Variants in GALNT7 observed in about 807,000 individuals in gnomAD.
The protein encoded by GALNT7 is N-acetylgalactosaminyltransferase 7.
Under a neutral mutation model 82.1 loss-of-function variants are expected in GALNT7, and 60 were observed. That is an observed-to-expected ratio of 0.73 (90% CI 0.59 to 0.91). The LOEUF (loss-of-function observed/expected upper bound fraction) is 0.91, where lower values mean the gene tolerates loss of function less well. Ranked by LOEUF, GALNT7 falls within the 40% of genes least tolerant of loss-of-function variation. The probability of loss-of-function intolerance (pLI) is 0.00; values close to 1 mark genes in which losing one functional copy is unlikely to be tolerated. For missense variants in GALNT7, 660 were observed against 804.2 expected (o/e 0.82, Z 2.17); for synonymous variants, 243 against 275.1 (o/e 0.88, Z 1.15).
At chr4:173,270,885 A>G (rs1735696825) in intron 2 of GALNT7, among the ~76,000 whole-genome samples, 1 of 152,222 alleles carries the variant, frequency 6.6e-6, no homozygotes. Flanking sequence ...TGGCAGCTGC[A>G]TTCTGTGCAG....
chr4:173,172,188 T>TA (rs1176976894), intron 1 of GALNT7, among the ~76,000 whole-genome samples: 1 of 152,244 alleles, frequency 6.6e-6, no homozygotes, highest in East Asian at 1.9e-4. Context: ...CTTGGGGTTT[T>TA]ATACATTGGC....
At chr4:173,229,788 C>T (rs146174697) in intron 1 of GALNT7, among the ~76,000 whole-genome samples, 12 of 152,212 alleles carry the variant, frequency 7.9e-5, no homozygotes, top group Non-Finnish European at 1.3e-4. Flanking sequence ...TCTTTGTAGT[C>T]GTCTTCATGA....
At position 173,284,731 on chromosome 4, in the gene GALNT7, A is replaced by C. The variant is rs1003572674; in HGVS notation, c.588-7377A>C. Among the ~76,000 whole-genome samples the C allele has an allele frequency of 3.4e-4, 52 of 151,554 alleles. 1 individual carries two copies. The highest frequency in any genetic ancestry group is 1.9e-4 in the African/African-American group (8 of 41,090). On this transcript the variant is annotated intron_variant, in intron 2 of 11. Transcript: ENST00000265000. The stretch of plus-strand genomic sequence containing the variant: ...ATGACTCAAAAATTTGAAAAAAAAA[A>C]CAACAACAAAAAAAACCTTTTCATT...
In GALNT7 at chr4:173,248,418, G is replaced by A. The variant is rs79967711; in HGVS notation, c.565G>A (p.Val189Ile). 1.3e-4 allele frequency: 209 copies of A among 1,608,072 alleles called. 1 individual carries two copies. Among genetic ancestry groups the A allele is most frequent in the East Asian group, 1.2e-3 (55 of 44,824 alleles). Reference sequence around the variant, plus strand: ...TGACATGATCTCACTGGACCGCAGCGTCAATGACTTACGCCAAGAAGAGTA... The same window carrying A: ...TGACATGATCTCACTGGACCGCAGCATCAATGACTTACGCCAAGAAGAGTA... ...ASDMISLDRS[V>I]NDLRQEECKY... The change falls in exon 2 of 12, where the codon GTC becomes ATC. Residue 189 changes from valine (V) to isoleucine (I), a missense_variant. Physicochemically the swap from Val to Ile is conservative, Grantham distance 29. Transcript: ENST00000265000.
At chr4:173,223,497 AAG>A (rs932309380) in intron 1 of GALNT7, among the ~76,000 whole-genome samples, 1 of 152,158 alleles carries the variant, frequency 6.6e-6, no homozygotes, top group Non-Finnish European at 1.5e-5. Context: ...CTAAATGAAA[AAG>A]AACTGCACAA....
chr4:173,244,883 G>GTGAA (rs1405019213), intron 1 of GALNT7, among the ~76,000 whole-genome samples: 1 of 152,212 alleles, frequency 6.6e-6, no homozygotes, highest in African/African-American at 2.4e-5. Context: ...CATCAGTTGA[G>GTGAA]TGAATGGTGG....
chr4:173,217,100 C>T lies in GALNT7; in HGVS notation c.127-30880C>T, dbSNP rs573299246. ...AAATCTGGTTCTTGTTTTTTGGCCA[C>T]ATTATCAGATCAGTCACTCATCTAC... On this transcript the variant is annotated intron_variant, in intron 1 of 11. Coordinates refer to ENST00000265000, the MANE Select transcript of GALNT7 (RefSeq NM_017423.3). Among the ~76,000 whole-genome samples, 28 of 152,064 alleles carry T rather than the reference C, an allele frequency of 1.8e-4. No individual in the cohort carries two copies. The South Asian group carries it at 5.8e-3, about 32-fold the overall frequency.
intron 5 of GALNT7, among the ~76,000 whole-genome samples, chr4:173,296,900 T>C (rs914749775): frequency 1.3e-5 from 2 of 152,202 alleles, no homozygotes; most frequent in African/African-American, 4.8e-5. Context: ...TTCTGGACTT[T>C]ACTTCCTCCA....
chr4:173,197,042 A>G (rs555732619), intron 1 of GALNT7, among the ~76,000 whole-genome samples: 59 of 139,624 alleles, frequency 4.2e-4, no homozygotes, highest in Non-Finnish European at 7.9e-4. Context: ...AAAATTTTAG[A>G]TTCTCTATCT....
intron 9 of GALNT7, 200 bp from the exon 10 acceptor site, chr4:173,317,434 C>G (rs927811357): frequency 4.1e-6 from 2 of 486,232 alleles, no homozygotes; most frequent in Non-Finnish European, 7.4e-6. Flanking sequence ...GAGAAAGAAC[C>G]CATTCCAGTG....
intron 2 of GALNT7, among the ~76,000 whole-genome samples, chr4:173,278,592 A>G (rs1047562820): frequency 6.6e-6 from 1 of 152,246 alleles, no homozygotes; most frequent in African/African-American, 2.4e-5. Context: ...ATGGTATTTT[A>G]TACTAAGTTC....
At chr4:173,308,052 T>C (rs1737225242) in intron 8 of GALNT7, among the ~76,000 whole-genome samples, 1 of 152,208 alleles carries the variant, frequency 6.6e-6, no homozygotes, top group South Asian at 2.1e-4. Flanking sequence ...TCTTCTTTGT[T>C]CCTAGCTATC....
chr4:173,245,856 CA>C (rs569838493), intron 1 of GALNT7, among the ~76,000 whole-genome samples: 76 of 152,074 alleles, frequency 5.0e-4, no homozygotes, highest in Non-Finnish European at 9.3e-4. Flanking sequence ...ATATGATTTC[CA>C]AAAAAACAGC....
At chr4:173,173,701 G>C (rs758679348) in intron 1 of GALNT7, among the ~76,000 whole-genome samples, 9 of 152,194 alleles carry the variant, frequency 5.9e-5, no homozygotes, top group Non-Finnish European at 1.2e-4. Context: ...AAAACATTCA[G>C]TACTGGTGAG....
intron 6 of GALNT7, among the ~76,000 whole-genome samples, chr4:173,301,120 G>T (rs1263594800): frequency 6.6e-6 from 1 of 151,652 alleles, no homozygotes; most frequent in Non-Finnish European, 1.5e-5. Context: ...GGGCCATAGA[G>T]TGAGACTATG....
At chr4:173,170,353 A>G (rs1731819808) in intron 1 of GALNT7, among the ~76,000 whole-genome samples, 1 of 152,238 alleles carries the variant, frequency 6.6e-6, no homozygotes, top group Non-Finnish European at 1.5e-5. Context: ...CCTTCTGGAA[A>G]GTTAGCATCA....
intron 1 of GALNT7, among the ~76,000 whole-genome samples, chr4:173,232,406 CAG>C (rs1329906883): frequency 5.3e-5 from 8 of 151,832 alleles, no homozygotes; most frequent in African/African-American, 1.9e-4. Context: ...ATGATCAAAT[CAG>C]GGTAATTAGG....
intron 8 of GALNT7, among the ~76,000 whole-genome samples, chr4:173,309,722 G>A (rs1372827764): frequency 1.3e-5 from 2 of 152,166 alleles, no homozygotes; most frequent in South Asian, 4.1e-4. Flanking sequence ...GTAATAAGCA[G>A]ACAGCTAAGC....
At chr4:173,225,052 T>TAATAATA (rs1561161829) in intron 1 of GALNT7, among the ~76,000 whole-genome samples, 4 of 140,138 alleles carry the variant, frequency 2.9e-5, no homozygotes, top group African/African-American at 1.2e-4. Flanking sequence ...TAATAATAAT[T>TAATAATA]ATAATTATAT....
Sources: allele counts gnomAD v4.1 joint callset (sites outside exome capture counted in the v4.1 genomes callset), GRCh38; gene constraint gnomAD v4.1.1; transcripts MANE v1.5; gene names NCBI Gene and HGNC (gene_info 2026-07-23, HGNC 2026-07-21).